The following SIPA1L2 variants were observed in gnomAD, a reference collection of about 807,000 sequenced individuals.
The protein encoded by SIPA1L2 is signal induced proliferation associated 1 like 2, also known as signal-induced proliferation-associated 1-like protein 2.
Under a neutral mutation model 163.9 loss-of-function variants are expected in SIPA1L2, and 56 were observed. The observed-to-expected ratio is 0.34, with a 90% CI of 0.28 to 0.43. SIPA1L2 has a LOEUF of 0.43. SIPA1L2 is among the 20% of genes least tolerant of loss of function. SIPA1L2 has a pLI of 1.00. For missense variants in SIPA1L2, 1,974 were observed against 2,193.5 expected, an observed-to-expected ratio of 0.90 and a Z score of 2.00; for synonymous variants, 877 against 865.7, an observed-to-expected ratio of 1.01 and a Z score of -0.23.
At chr1:232,480,075 C>T (rs1223404080) in intron 6 of SIPA1L2, among the ~76,000 whole-genome samples, 2 of 152,000 alleles carry the variant, frequency 1.3e-5, no homozygotes, top group African/African-American at 4.8e-5. Flanking sequence ...AGAAGAGAAG[C>T]TGGTCCAGGT....
In SIPA1L2 at chr1:232,425,679, G is replaced by A. The variant is rs1160724296; in HGVS notation, c.4540C>T (p.Pro1514Ser). The A allele has an allele frequency of 1.2e-6, 2 of 1,613,690 alleles. No individual in the cohort carries two copies. Among genetic ancestry groups the A allele is most frequent in the African/African-American group, 1.3e-5 (1 of 74,918 alleles). The change falls in exon 18 of 23, where the codon CCC becomes TCC. Residue 1514 changes from proline (P) to serine (S), a missense_variant. Around this residue, in one of 3 missense-constraint regions of SIPA1L2, gnomAD observed 1,079 missense variants for 1,150.7 expected, o/e 0.94. Transcript: ENST00000674635. ...SRSSVLDQALPNDILFSTTPP... is the reference protein window; with the variant it reads ...SRSSVLDQALSNDILFSTTPP... ...GTGGTGCTGAACAGAATGTCGTTGG[G>A]CAGGGCCTGGTCAAGCACGGAACTC...
At chr1:232,400,353 T>G (rs1387019630) in intron 22 of SIPA1L2, among the ~76,000 whole-genome samples, 1 of 152,164 alleles carries the variant, frequency 6.6e-6, no homozygotes, top group African/African-American at 2.4e-5. Context: ...CCTGCAAACC[T>G]TTTATTGTGA....
rs1270875709 is a variant in SIPA1L2 at position 232,515,273 on chromosome 1, C to A, written c.67G>T (p.Asp23Tyr). ...KLGRASSKFK[D>Y]PPRIMQSDDY... ...TCTGACTGCATGATTCTAGGGGGAT[C>A]CTTGAACTTTGAAGAGGCTCTGCCT... Residue 23 changes from aspartate (D) to tyrosine (Y), a missense_variant, in exon 3 of 23, where the codon GAT (aspartate) becomes TAT (tyrosine). By Grantham distance (160) the Asp-to-Tyr change is radical. Transcript: ENST00000674635. 1.9e-6 allele frequency: 3 copies of A among 1,613,686 alleles called. No individual in the cohort carries two copies. The South Asian group carries it at 3.3e-5, about 18-fold the overall frequency.
At chr1:232,537,406 A>G (rs2103098469) in intron 2 of SIPA1L2, among the ~76,000 whole-genome samples, 1 of 152,288 alleles carries the variant, frequency 6.6e-6, no homozygotes, top group East Asian at 1.9e-4. Flanking sequence ...ACAGCAAAAC[A>G]TCAGAGTTGC....
At chr1:232,528,103 A>ATATATATATATATATATATATATATATCG (rs1558246735) in intron 2 of SIPA1L2, among the ~76,000 whole-genome samples, 4 of 51,712 alleles carry the variant, frequency 7.7e-5, no homozygotes, top group African/African-American at 3.1e-4. Flanking sequence ...TATATATATA[A>ATATATATATATATATATATATATATATCG]TCAACTTTCT....
rs376032337 is a variant in SIPA1L2 at position 232,494,390 on chromosome 1, T to C, written c.1484-730A>G. On this transcript the variant is annotated intron_variant, in intron 3 of 22. Transcript: ENST00000674635. ...CCATACTGTCCATCTAACACACGGA[T>C]CCCTCCAGGACATCTTTCCTAAGAG... Among the ~76,000 whole-genome samples, 65 of 152,294 alleles carry C rather than the reference T, an allele frequency of 4.3e-4. No homozygotes were observed. The South Asian group carries it at 0.011, about 25-fold the overall frequency.
intron 19 of SIPA1L2, among the ~76,000 whole-genome samples, chr1:232,408,291 T>G (rs1231778050): frequency 1.3e-5 from 2 of 151,850 alleles, no homozygotes; most frequent in Non-Finnish European, 2.9e-5. Flanking sequence ...AAGGACTGTT[T>G]TTTTTTTTTT....
At chr1:232,480,623 G>A (rs1665298664) in intron 6 of SIPA1L2, among the ~76,000 whole-genome samples, 1 of 152,072 alleles carries the variant, frequency 6.6e-6, no homozygotes, top group Non-Finnish European at 1.5e-5. Flanking sequence ...ATGACTTTTT[G>A]CACATGGATA....
At chr1:232,484,343 A>G (rs1350602656) in intron 5 of SIPA1L2, among the ~76,000 whole-genome samples, 5 of 152,224 alleles carry the variant, frequency 3.3e-5, no homozygotes, top group Admixed American at 3.3e-4. Flanking sequence ...TAAGTCGGAA[A>G]GAAAAAAAGG....
intron 1 of SIPA1L2, among the ~76,000 whole-genome samples, chr1:232,597,689 CAAAAAAAAA>C (rs376123118): frequency 2.0e-3 from 130 of 65,400 alleles, no homozygotes; most frequent in Non-Finnish European, 2.9e-3. Context: ...AACTCTGTCT[CAAAAAAAAA>C]AAAAAAAAAA....
chr1:232,436,179 G>A (rs1186398641), intron 15 of SIPA1L2, among the ~76,000 whole-genome samples: 1 of 152,150 alleles, frequency 6.6e-6, no homozygotes, highest in Non-Finnish European at 1.5e-5. Flanking sequence ...ACTTTTCCTA[G>A]TTCCTTTCTT....
chr1:232,466,589 G>T (rs974512078), intron 8 of SIPA1L2, among the ~76,000 whole-genome samples: 1 of 152,158 alleles, frequency 6.6e-6, no homozygotes, highest in Non-Finnish European at 1.5e-5. Flanking sequence ...AGGAGATTGA[G>T]ACCATCCTAG....
rs890911217 is a variant in SIPA1L2 at position 232,399,029 on chromosome 1, T to C, written c.*98A>G. The C allele has an allele frequency of 3.3e-6, 5 of 1,531,160 alleles. No individual in the cohort carries two copies. The highest frequency in any genetic ancestry group is 4.4e-6 in the Non-Finnish European group (5 of 1,126,380). The allele number at this position is 1,531,160 out of a possible 1,614,324, so 94.8% of individuals were successfully genotyped here. On this transcript the variant is annotated 3_prime_UTR_variant, in exon 23 of 23. Coordinates refer to ENST00000674635, the MANE Select transcript of SIPA1L2 (RefSeq NM_020808.5). ...TACACAGAATGGAACAGCAAAAACATCTACGATTGGTTGAAAGCACACAGA... is the reference window on the plus strand; with the variant it reads ...TACACAGAATGGAACAGCAAAAACACCTACGATTGGTTGAAAGCACACAGA...
intron 3 of SIPA1L2, among the ~76,000 whole-genome samples, chr1:232,512,784 G>A (rs537561314): frequency 9.2e-5 from 14 of 152,226 alleles, no homozygotes; most frequent in African/African-American, 3.1e-4. Flanking sequence ...TTCAGAACAT[G>A]TATCCCAGAA....
At chr1:232,479,540 G>C in intron 7 of SIPA1L2, 87 bp downstream of exon 7, 1 of 1,031,158 alleles carries the variant, frequency 9.7e-7, no homozygotes, top group Non-Finnish European at 1.5e-6. Flanking sequence ...CTGATTCTTT[G>C]CAAGTTCTAC....
At chr1:232,618,185 C>T (rs540702040) in intron 1 of SIPA1L2, among the ~76,000 whole-genome samples, 7 of 152,246 alleles carry the variant, frequency 4.6e-5, no homozygotes, top group Admixed American at 1.3e-4. Flanking sequence ...TAAAGCAGAA[C>T]GCAAATCTTA....
intron 2 of SIPA1L2, among the ~76,000 whole-genome samples, chr1:232,552,006 A>AT (rs1256494911): frequency 6.5e-4 from 99 of 151,942 alleles, no homozygotes; most frequent in African/African-American, 2.3e-3. Flanking sequence ...CGCCTGGCTA[A>AT]TTTTTGTATT....
chr1:232,600,569 G>C (rs186436788), intron 1 of SIPA1L2, among the ~76,000 whole-genome samples: 1 of 152,268 alleles, frequency 6.6e-6, no homozygotes, highest in African/African-American at 2.4e-5. Flanking sequence ...GTTTGATTTT[G>C]CTTTCTGCCC....
At chr1:232,529,055 A>C (rs553730929) in intron 2 of SIPA1L2, among the ~76,000 whole-genome samples, 1 of 152,326 alleles carries the variant, frequency 6.6e-6, no homozygotes, top group Admixed American at 6.5e-5. Context: ...CAAGAGCAAA[A>C]TGGATGTCCC....
Sources: gnomAD v4.1 joint callset for allele counts (sites outside exome capture counted in the v4.1 genomes callset) on GRCh38, gnomAD v4.1.1 for gene constraint, gnomAD v4.1.1 regional missense constraint, MANE v1.5 for transcripts, NCBI Gene and HGNC (gene_info 2026-07-23, HGNC 2026-07-21) for gene names.